Variants in C2 observed in about 807,000 individuals in gnomAD.
The protein encoded by C2 is complement C2.
C2 carries 64 observed loss-of-function variants against 85.2 expected under a neutral mutation model. The ratio of observed to expected loss-of-function variants is 0.75; its 90% CI spans 0.61 to 0.92. The LOEUF (loss-of-function observed/expected upper bound fraction) is 0.92, where lower values mean the gene tolerates loss of function less well. C2 is among the 40% of genes least tolerant of loss of function. The probability of loss-of-function intolerance (pLI) is 0.00; values close to 1 mark genes in which losing one functional copy is unlikely to be tolerated. For synonymous variants in C2, 311 were observed against 370.8 expected (o/e 0.84, Z 1.85); for missense variants, 820 against 971.6 (o/e 0.84, Z 2.07).
rs769111378 is a variant in C2, at chr6:31,920,685, C to T, written c.-100+659C>T. Among the ~76,000 whole-genome samples the T allele has an allele frequency of 6.6e-6, 1 of 152,166 alleles. No individual in the cohort carries two copies. ...CCTCAGAGGGCTGAGGTAAGAGCTG[C>T]GGTGTGGGCAGATGGACACCCTGGT... On this transcript the variant is annotated intron_variant, in intron 1 of 3. Coordinates refer to the C2 transcript ENST00000413154. This position sits in a 1 kb window ranked among gnomAD's most constrained non-coding sequence, Gnocchi z 5.6.
upstream of C2, among the ~76,000 whole-genome samples, chr6:31,925,299 T>G (rs1486444947): frequency 1.3e-5 from 2 of 152,150 alleles, no homozygotes; most frequent in East Asian, 3.8e-4. Flanking sequence ...TTGCGCTTTT[T>G]TTTTCTTTTT....
chr6:31,929,027 T>A, intron 3 of C2, 110 bp downstream of exon 3: 1 of 995,794 alleles, frequency 1.0e-6, no homozygotes, highest in Non-Finnish European at 1.5e-6. Context: ...TGTTGTTCAG[T>A]GTGCCATAAT....
At chr6:31,918,954 G>A (rs932311043), upstream of C2, among the ~76,000 whole-genome samples, 3 of 150,742 alleles carry the variant, frequency 2.0e-5, no homozygotes, top group Non-Finnish European at 2.9e-5. Context: ...AACCCAGACC[G>A]TCTATGAACC....
At chr6:31,931,793 G>C (rs1269438948) in intron 3 of C2, among the ~76,000 whole-genome samples, 2 of 152,098 alleles carry the variant, frequency 1.3e-5, no homozygotes, top group South Asian at 4.1e-4. Flanking sequence ...CCTCCCAGAC[G>C]GGGTGGTGGC....
chr6:31,900,727 T>A, upstream of C2: 1 of 1,598,880 alleles, frequency 6.3e-7, no homozygotes, highest in African/African-American at 1.3e-5. This position sits in a 1 kb window ranked among gnomAD's most constrained non-coding sequence, Gnocchi z 9.7. Context: ...CTTCCTCGGC[T>A]TTCAGCTCCA....
upstream of C2, among the ~76,000 whole-genome samples, chr6:31,917,054 C>T (rs1184618909): frequency 1.3e-5 from 2 of 150,310 alleles, no homozygotes; most frequent in African/African-American, 2.5e-5. Context: ...ACTTGTAATC[C>T]GAGCTACTTG....
In C2 at chr6:31,935,528, G is replaced by A. The variant is rs1348789916; in HGVS notation, c.850-395G>A. 3.7e-6 allele frequency: 1 copy of A among 270,522 alleles called. No individual in the cohort carries two copies. The highest frequency in any genetic ancestry group is 7.3e-6 in the Non-Finnish European group (1 of 137,082). 16.8% of individuals were successfully genotyped at this position (270,522 alleles called of 1,614,324 possible). ...TCTGTCACCCAGGCTGGAGTACAGTGGTGCGATCTCAGCTCACTGCAAACT... is the reference window on the plus strand; with the variant it reads ...TCTGTCACCCAGGCTGGAGTACAGTAGTGCGATCTCAGCTCACTGCAAACT... On this transcript the variant is annotated intron_variant, in intron 6 of 17. Transcript: ENST00000299367. The surrounding 1 kb of genome is among the most constrained non-coding windows in gnomAD (Gnocchi z 4.3).
chr6:31,944,250 C>G lies in C2; in HGVS notation c.1902+24C>G. 2 of 1,486,292 alleles carry G rather than the reference C, an allele frequency of 1.3e-6. No individual in the cohort carries two copies. Among genetic ancestry groups the G allele is most frequent in the Non-Finnish European group, 1.9e-6 (2 of 1,064,346 alleles). 92.1% of individuals were successfully genotyped at this position (1,486,292 alleles called of 1,614,324 possible). A position where few individuals can be genotyped will look rare whatever the true frequency, so the allele number is the denominator to read the frequency against. On this transcript the variant is annotated intron_variant, in intron 15 of 17. Coordinates refer to ENST00000299367, the MANE Select transcript of C2 (RefSeq NM_000063.6). This position sits in a 1 kb window ranked among gnomAD's most constrained non-coding sequence, Gnocchi z 5.1. ...AGGTGAGGGTCTCAGGTTGGGGATG[C>G]TGGGATCCCCCTGTGACAGCTCCCA...
chr6:31,928,647 T>G lies in C2; in HGVS notation c.257-85T>G, dbSNP rs1769461933. 7.4e-6 allele frequency: 10 copies of G among 1,356,772 alleles called. No homozygotes were observed. The Admixed American group carries it at 1.8e-4, about 24-fold the overall frequency. 84.0% of individuals were successfully genotyped at this position (1,356,772 alleles called of 1,614,324 possible). On this transcript the variant is annotated intron_variant, in intron 2 of 17. Transcript: ENST00000299367. ...CAGCCAGTTGACCATTCCCATGCAT[T>G]CCAGCATAAAATCACCTGCTTAATC...
chr6:31,933,545 C>T lies in C2; in HGVS notation c.443-65C>T, dbSNP rs9332717. Reference sequence around the variant, plus strand: ...GGAAGCTTCTGCTGGCAACTGAGGCCGCTGAGGAGGCAGAGCCTGATGGGA... The same window carrying T: ...GGAAGCTTCTGCTGGCAACTGAGGCTGCTGAGGAGGCAGAGCCTGATGGGA... On this transcript the variant is annotated intron_variant, in intron 3 of 17. Coordinates refer to ENST00000299367, the MANE Select transcript of C2 (RefSeq NM_000063.6). The T allele has an allele frequency of 1.2e-3, 1,963 of 1,574,832 alleles. 18 individuals are homozygous for T. In the African/African-American group the frequency reaches 0.023, roughly 19 times the overall value.
chr6:31,912,913 G>C (rs570383961), intron 1 of C2, among the ~76,000 whole-genome samples: 3 of 151,248 alleles, frequency 2.0e-5, no homozygotes, highest in African/African-American at 7.3e-5. Flanking sequence ...TATGTGTCAG[G>C]CCAAGCGCAG....
intron 8 of C2, 133 bp downstream of exon 8, chr6:31,937,592 G>A: frequency 9.3e-7 from 1 of 1,071,860 alleles, no homozygotes; most frequent in East Asian, 2.4e-5. Flanking sequence ...TTAGAGATGG[G>A]GCCTTGCTAT....
chr6:31,934,459 CA>C, intron 6 of C2, 160 bp downstream of exon 6: 1 of 1,253,672 alleles, frequency 8.0e-7, no homozygotes, highest in Non-Finnish European at 1.1e-6. Flanking sequence ...TCAATTTATA[CA>C]ATCATAATTT....
At chr6:31,899,879 C>T (rs1404875492), upstream of C2, 5 of 1,415,348 alleles carry the variant, frequency 3.5e-6, no homozygotes, top group Non-Finnish European at 3.8e-6. Flanking sequence ...AGCCCTTTTT[C>T]CACGCAGCCC....
At chr6:31,941,514 G>C (rs1770874479) in intron 9 of C2, 1 of 152,206 alleles carries the variant, frequency 6.6e-6, no homozygotes. Context: ...ATTTGTTTGA[G>C]ACAGAGTCTC....
chr6:31,912,860 A>AAAAG (rs1554273823), intron 1 of C2, among the ~76,000 whole-genome samples: 13 of 145,396 alleles, frequency 8.9e-5, no homozygotes, highest in Admixed American at 2.1e-4. Flanking sequence ...AAAAAAAAAA[A>AAAAG]AGAGATTGGT....
At chr6:31,928,273 G>T in intron 2 of C2, 109 bp downstream of exon 2, 1 of 1,018,736 alleles carries the variant, frequency 9.8e-7, no homozygotes, top group Non-Finnish European at 1.5e-6. Context: ...TGGCAAAGTT[G>T]CTTTTGCAGA....
rs1399148079 is a variant in C2 at position 31,945,123 on chromosome 6, G to A, written c.2080-55G>A. 1.2e-6 allele frequency: 2 copies of A among 1,610,276 alleles called. No individual in the cohort carries two copies. The highest frequency in any genetic ancestry group is 2.7e-5 in the African/African-American group (2 of 74,788). ...GCCTTTGAGGGATCTAGGGAGGTTG[G>A]GGCTTACAGTTGGGGCTGTGGCAGC... is the stretch of plus-strand genomic sequence containing the variant. On this transcript the variant is annotated intron_variant, in intron 17 of 17. Transcript: ENST00000299367. The surrounding 1 kb of genome is among the most constrained non-coding windows in gnomAD (Gnocchi z 5.3).
intron 3 of C2, 80 bp downstream of exon 3, chr6:31,928,997 C>T (rs1769508727): frequency 7.6e-7 from 1 of 1,315,634 alleles, no homozygotes; most frequent in African/African-American, 1.5e-5. Context: ...ATCCAGGAAG[C>T]CTCTGTGGGG....
Sources: gnomAD v4.1 joint callset for allele counts (sites outside exome capture counted in the v4.1 genomes callset) on GRCh38, gnomAD v4.1.1 for gene constraint, Gnocchi (gnomAD v3.1) non-coding constraint, MANE v1.5 for transcripts, NCBI Gene and HGNC (gene_info 2026-07-23, HGNC 2026-07-21) for gene names.